The following NOX3 variants were observed in gnomAD, a reference collection of about 807,000 sequenced individuals.
NOX3 encodes NADPH oxidase 3.
In NOX3, 74 loss-of-function variants were observed where a neutral mutation model predicts 76.7. That is an observed-to-expected ratio of 0.96 (90% confidence interval 0.80 to 1.17). NOX3 has a LOEUF of 1.17. NOX3 is among the 50% of genes most tolerant of loss of function. NOX3 has a pLI of 0.00. For missense variants in NOX3, 695 were observed against 703.3 expected, an observed-to-expected ratio of 0.99 and a Z score of 0.13; for synonymous variants, 263 against 261.1, an observed-to-expected ratio of 1.01 and a Z score of -0.07.
At chr6:155,411,119 C>G in intron 11 of NOX3, 95 bp downstream of exon 11, 1 of 914,386 alleles carries the variant, frequency 1.1e-6, no homozygotes, top group Non-Finnish European at 1.6e-6. Context: ...TTCTGTCATG[C>G]TATCAGAGTG....
At chr6:155,434,204 G>C (rs1362954211) in intron 7 of NOX3, among the ~76,000 whole-genome samples, 1 of 152,198 alleles carries the variant, frequency 6.6e-6, no homozygotes, top group Non-Finnish European at 1.5e-5. Flanking sequence ...GGTGAAGTTC[G>C]CTGAATTGAC....
chr6:155,437,751 A>G (rs935694632), intron 6 of NOX3, among the ~76,000 whole-genome samples: 1 of 152,190 alleles, frequency 6.6e-6, no homozygotes, highest in Non-Finnish European at 1.5e-5. Flanking sequence ...TCATTCCACA[A>G]ATGCTGTATC....
intron 10 of NOX3, among the ~76,000 whole-genome samples, chr6:155,419,306 A>G (rs1776659484): frequency 6.6e-6 from 1 of 152,218 alleles, no homozygotes; most frequent in South Asian, 2.1e-4. Context: ...AACTTTCAAT[A>G]GCATGAAAAC....
chr6:155,451,652 T>C (rs1320241861), intron 4 of NOX3, among the ~76,000 whole-genome samples: 1 of 151,998 alleles, frequency 6.6e-6, no homozygotes, highest in Non-Finnish European at 1.5e-5. Context: ...TGAGATGGGG[T>C]CTCACTGTGC....
chr6:155,413,880 A>T (rs540776536), intron 10 of NOX3, among the ~76,000 whole-genome samples: 48 of 152,332 alleles, frequency 3.2e-4, no homozygotes, highest in African/African-American at 1.1e-3. Context: ...TTTGCTTTAT[A>T]AAAAAATCCT....
chr6:155,445,009 C>T (rs553216924), intron 4 of NOX3, among the ~76,000 whole-genome samples: 3 of 152,246 alleles, frequency 2.0e-5, no homozygotes, highest in South Asian at 2.1e-4. Flanking sequence ...TTGGTGGTGT[C>T]TAAATTCTAA....
chr6:155,412,909 A>G (rs1776573277), intron 10 of NOX3, among the ~76,000 whole-genome samples: 2 of 152,228 alleles, frequency 1.3e-5, no homozygotes, highest in African/African-American at 4.8e-5. Flanking sequence ...AAGATGATAG[A>G]TAAGTAGAAT....
rs1014016350 is a variant in NOX3 at position 155,431,036 on chromosome 6, T to C, written c.799-101A>G. 8 of 721,442 alleles carry C rather than the reference T, an allele frequency of 1.1e-5. No homozygotes were observed. The African/African-American group carries it at 1.2e-4, about 11-fold the overall frequency. The allele number at this position is 721,442 out of a possible 1,614,324, so 44.7% of individuals were successfully genotyped here. On this transcript the variant is annotated intron_variant, in intron 7 of 13. Transcript: ENST00000159060. ...AATATACAACATGATGGGGATTAGA[T>C]ATTTTTCCTTTAACTTTGGGCCAGT...
chr6:155,402,745 C>T (rs1212413522), intron 12 of NOX3, among the ~76,000 whole-genome samples: 1 of 152,212 alleles, frequency 6.6e-6, no homozygotes, highest in Admixed American at 6.5e-5. Context: ...CAAGAACAAA[C>T]TCCAGCTTTG....
At chr6:155,396,399 A>G (rs1779137979) in intron 13 of NOX3, among the ~76,000 whole-genome samples, 1 of 152,158 alleles carries the variant, frequency 6.6e-6, no homozygotes, top group Admixed American at 6.5e-5. Context: ...TCAAGCCAAG[A>G]AGCAGCGTGA....
At chr6:155,419,424 G>A (rs1353146306) in intron 10 of NOX3, among the ~76,000 whole-genome samples, 1 of 152,160 alleles carries the variant, frequency 6.6e-6, no homozygotes, top group East Asian at 1.9e-4. Context: ...ATCTCCGCTC[G>A]AGGTGCAGAT....
chr6:155,450,975 T>C (rs1023067193), intron 4 of NOX3, among the ~76,000 whole-genome samples: 2 of 152,074 alleles, frequency 1.3e-5, no homozygotes, highest in Admixed American at 1.3e-4. Context: ...GCACATCTCA[T>C]TGAAAAATTT....
chr6:155,440,035 G>C lies in NOX3; in HGVS notation c.589C>G (p.Gln197Glu), dbSNP rs766530345. The C allele has an allele frequency of 6.2e-6, 10 of 1,613,876 alleles. No individual in the cohort carries two copies. The Middle Eastern group carries it at 9.9e-4, about 159-fold the overall frequency. The stretch of plus-strand genomic sequence containing the variant: ...TACCAGAACAACTCATAGGAGGCCT[G>C]TCTGATGAACTCAGTTGACGAGGTC... The part of the protein sequence containing the change: ...IMTSSTEFIR[Q>E]ASYELFWYTH... Residue 197 changes from glutamine to glutamate, a missense_variant, in exon 6 of 14, where the codon CAG (glutamine) becomes GAG (glutamate). By Grantham distance (29) the Gln-to-Glu change is conservative. Coordinates refer to ENST00000159060, the MANE Select transcript of NOX3 (RefSeq NM_015718.3).
At chr6:155,442,555 CAT>C (rs1777007861) in intron 5 of NOX3, among the ~76,000 whole-genome samples, 2 of 152,212 alleles carry the variant, frequency 1.3e-5, no homozygotes, top group African/African-American at 4.8e-5. Context: ...GTGCTGCACA[CAT>C]ATGCCAATAT....
At chr6:155,436,044 G>A (rs1426925673) in intron 7 of NOX3, among the ~76,000 whole-genome samples, 1 of 152,196 alleles carries the variant, frequency 6.6e-6, no homozygotes, top group Non-Finnish European at 1.5e-5. Flanking sequence ...TTGAGCAGGG[G>A]TGCCAGTAAT....
At chr6:155,432,932 C>CT (rs907322535) in intron 7 of NOX3, among the ~76,000 whole-genome samples, 2 of 152,162 alleles carry the variant, frequency 1.3e-5, no homozygotes, top group Non-Finnish European at 2.9e-5. Context: ...AACCAGAAAG[C>CT]TTTTTGAGAA....
intron 9 of NOX3, among the ~76,000 whole-genome samples, chr6:155,427,716 T>C (rs1776775353): frequency 1.3e-5 from 2 of 152,024 alleles, no homozygotes; most frequent in Non-Finnish European, 2.9e-5. Flanking sequence ...GTTTTTCTCA[T>C]TTTTTTTGGT....
Position 155,411,340 on chromosome 6 carries a change from G to T in NOX3, c.1329C>A (p.Cys443Ter), listed in dbSNP as rs1301951479. 4.3e-6 allele frequency: 7 copies of T among 1,613,578 alleles called. No individual in the cohort carries two copies. Among genetic ancestry groups the T allele is most frequent in the East Asian group, 2.2e-5 (1 of 44,840 alleles). The part of the protein sequence containing the change: ...KLSKVYFYWI[C>*]RDARAFEWFA... ...ACCACTCAAAAGCTCTTGCATCCCG[G>T]CAAATCCAGTAGAAATACACCTGTC... The change falls in exon 11 of 14, where the codon TGC (cysteine) becomes TGA (stop). Residue 443 changes from cysteine (C) to a stop codon, truncating the protein, a stop_gained. Transcript: ENST00000159060. LOFTEE classifies it high-confidence loss of function.
At chr6:155,419,969 C>T (rs1562462653) in intron 10 of NOX3, among the ~76,000 whole-genome samples, 2 of 152,032 alleles carry the variant, frequency 1.3e-5, no homozygotes, top group Non-Finnish European at 2.9e-5. Flanking sequence ...GACATTTATT[C>T]ACTCATTGAT....
Sources: gnomAD v4.1 joint callset for allele counts (sites outside exome capture counted in the v4.1 genomes callset) on GRCh38, gnomAD v4.1.1 for gene constraint, MANE v1.5 for transcripts, NCBI Gene and HGNC (gene_info 2026-07-23, HGNC 2026-07-21) for gene names.